Variants in ARSG observed in about 807,000 individuals in gnomAD.
ARSG encodes the protein ASG.
ARSG carries 37 observed loss-of-function variants against 50.5 expected under a neutral mutation model. That is an observed-to-expected ratio of 0.73 (90% confidence interval 0.56 to 0.96). ARSG has a LOEUF of 0.96. Among genes scored for constraint, ARSG ranks in the 50% least tolerant of loss-of-function variants. ARSG has a pLI of 0.00. For synonymous variants in ARSG, 225 were observed against 254.6 expected (o/e 0.88, Z 1.11); for missense variants, 629 against 675.3 (o/e 0.93, Z 0.76).
intron 1 of ARSG, chr17:68,267,840 G>C (rs1555746887): frequency 6.6e-6 from 1 of 152,172 alleles, no homozygotes; most frequent in Non-Finnish European, 1.5e-5. Context: ...ATGTGTTATA[G>C]AAGATGTAAA....
chr17:68,430,158 C>A, the ARSG span: 1 of 1,611,838 alleles, frequency 6.2e-7, no homozygotes, highest in Non-Finnish European at 8.5e-7. Context: ...CTCTTCTGGT[C>A]GACTAGGGAG....
At chr17:68,430,256 G>A in the ARSG span, 12 of 1,255,374 alleles carry the variant, frequency 9.6e-6, no homozygotes, top group South Asian at 2.9e-5. Context: ...CACACTCCCC[G>A]CAGCAGGGAG....
intron 6 of ARSG, among the ~76,000 whole-genome samples, chr17:68,358,053 A>T (rs912641543): frequency 6.6e-6 from 1 of 152,070 alleles, no homozygotes; most frequent in African/African-American, 2.4e-5. Flanking sequence ...CAATACAAAA[A>T]TTAGCTGGGC....
the ARSG span, among the ~76,000 whole-genome samples, chr17:68,438,720 C>T: frequency 6.6e-6 from 1 of 152,190 alleles, no homozygotes; most frequent in East Asian, 1.9e-4. Context: ...CCTGTCTCAG[C>T]CTGCCAAGTA....
the ARSG span, chr17:68,434,413 C>A: frequency 2.6e-6 from 2 of 759,392 alleles, no homozygotes; most frequent in South Asian, 1.9e-5. Flanking sequence ...GCCTGGGAGT[C>A]AATTACCTGG....
At chr17:68,287,980 T>C (rs1555754758), upstream of ARSG, among the ~76,000 whole-genome samples, 1 of 144,928 alleles carries the variant, frequency 6.9e-6, no homozygotes, top group African/African-American at 2.5e-5. Context: ...TCCCCCTCCC[T>C]CCCTCCTTTC....
chr17:68,450,187 G>C, the ARSG span, among the ~76,000 whole-genome samples: 1 of 152,310 alleles, frequency 6.6e-6, no homozygotes, highest in Non-Finnish European at 1.5e-5. Context: ...AGTCTTCAAG[G>C]GTTAGCTGGG....
intron 3 of ARSG, chr17:68,346,758 C>T: frequency 1.5e-6 from 2 of 1,295,444 alleles, no homozygotes; most frequent in South Asian, 2.5e-5. Context: ...CCCTGGGCCT[C>T]CTGGTGCCTT....
downstream of ARSG, among the ~76,000 whole-genome samples, chr17:68,425,701 C>T (rs576636621): frequency 7.2e-5 from 11 of 152,302 alleles, no homozygotes; most frequent in African/African-American, 2.6e-4. Context: ...ATTCTGCAAA[C>T]GCATCCATGG....
chr17:68,349,332 C>T (rs1452037347), intron 4 of ARSG, among the ~76,000 whole-genome samples: 1 of 152,072 alleles, frequency 6.6e-6, no homozygotes, highest in Non-Finnish European at 1.5e-5. Flanking sequence ...CCAATATGTA[C>T]AGTCATTTGT....
intron 1 of ARSG, among the ~76,000 whole-genome samples, chr17:68,301,950 C>G (rs1457363249): frequency 2.6e-5 from 4 of 152,062 alleles, no homozygotes; most frequent in African/African-American, 9.7e-5. Flanking sequence ...CAGCCTCCAT[C>G]CCATGCCTGA....
chr17:68,427,175 G>A (rs763373535), downstream of ARSG: 23 of 1,614,000 alleles, frequency 1.4e-5, 1 homozygote, highest in East Asian at 2.2e-4. Flanking sequence ...GTCTGGCTAC[G>A]GTCGCTGCAT....
chr17:68,305,523 A>G (rs2076573709), intron 1 of ARSG, among the ~76,000 whole-genome samples: 1 of 152,148 alleles, frequency 6.6e-6, no homozygotes, highest in Admixed American at 6.5e-5. Context: ...ATTCATATGT[A>G]CCTCCATGTG....
the ARSG span, among the ~76,000 whole-genome samples, chr17:68,435,156 G>A: frequency 3.3e-5 from 5 of 150,400 alleles, no homozygotes; most frequent in Admixed American, 6.6e-5. Flanking sequence ...GCAGTGAGCC[G>A]AGATTGCGCC....
chr17:68,356,410 T>A (rs367860352), intron 5 of ARSG, among the ~76,000 whole-genome samples: 69 of 152,272 alleles, frequency 4.5e-4, no homozygotes, highest in African/African-American at 1.6e-3. Flanking sequence ...TAAAAAATAA[T>A]GTCCCTAGCT....
downstream of ARSG, chr17:68,427,107 C>G (rs2083248084): frequency 1.3e-6 from 2 of 1,577,824 alleles, no homozygotes; most frequent in Non-Finnish European, 1.7e-6. Flanking sequence ...GTTGGAGATG[C>G]TCCCCTGTTG....
chr17:68,284,103 CAA>C (rs1189737736), intron 1 of ARSG, among the ~76,000 whole-genome samples: 172 of 56,510 alleles, frequency 3.0e-3, no homozygotes, highest in African/African-American at 0.01. Context: ...GACTCTGTCT[CAA>C]AAAAAAAAAA....
intron 1 of ARSG, among the ~76,000 whole-genome samples, chr17:68,304,878 T>G (rs1362138454): frequency 6.6e-6 from 1 of 152,150 alleles, no homozygotes; most frequent in Admixed American, 6.5e-5. Flanking sequence ...TCCTCCTTAT[T>G]AAACTTGCAA....
intron 2 of ARSG, among the ~76,000 whole-genome samples, chr17:68,340,047 A>G (rs1284695218): frequency 1.3e-5 from 2 of 152,146 alleles, no homozygotes; most frequent in Non-Finnish European, 2.9e-5. Flanking sequence ...TGAGCCTGCC[A>G]TCCCTTCCTT....
Sources: allele counts gnomAD v4.1 joint callset (sites outside exome capture counted in the v4.1 genomes callset), GRCh38; gene constraint gnomAD v4.1.1; transcripts MANE v1.5; gene names NCBI Gene and HGNC (gene_info 2026-07-23, HGNC 2026-07-21).